CDH18: variants seen among roughly 807,000 people sequenced by gnomAD.
CDH18 encodes the protein cadherin-18.
CDH18 carries 31 observed loss-of-function variants against 67.9 expected under a neutral mutation model. The ratio of observed to expected loss-of-function variants is 0.46; its 90% CI spans 0.34 to 0.62. CDH18 has a LOEUF of 0.62. CDH18 is among the 20% of genes least tolerant of loss of function. CDH18 has a pLI of 0.01. For synonymous variants in CDH18, 362 were observed against 347.2 expected (o/e 1.04, Z -0.48); for missense variants, 890 against 975.5 (o/e 0.91, Z 1.17).
rs928435418 is a variant in CDH18 at position 19,818,350 on chromosome 5, G to C, written c.228+20409C>G. Among the ~76,000 whole-genome samples, 8 of 152,136 alleles carry C rather than the reference G, an allele frequency of 5.3e-5. 1 individual carries two copies. The South Asian group carries it at 1.7e-3, about 32-fold the overall frequency. ...ATTATGATGTATGACATGAATTGTA[G>C]GATGTGTGTAATATCTTAAGTAAAA... On this transcript the variant is annotated intron_variant, in intron 3 of 12. Coordinates refer to ENST00000382275, the MANE Select transcript of CDH18 (RefSeq NM_004934.5).
chr5:20,196,693 A>G (rs1405610386), intron 2 of CDH18, among the ~76,000 whole-genome samples: 1 of 152,194 alleles, frequency 6.6e-6, no homozygotes, highest in African/African-American at 2.4e-5. Context: ...TCTACAACAG[A>G]GTTTCCAAAT....
chr5:19,909,793 A>G (rs962070618), intron 2 of CDH18, among the ~76,000 whole-genome samples: 2 of 152,184 alleles, frequency 1.3e-5, no homozygotes, highest in African/African-American at 4.8e-5. Context: ...CTAATGACAA[A>G]GAAGGTTAAA....
intron 2 of CDH18, among the ~76,000 whole-genome samples, chr5:20,052,530 T>C (rs978709433): frequency 6.6e-6 from 1 of 152,122 alleles, no homozygotes; most frequent in Non-Finnish European, 1.5e-5. Context: ...CGTGTATTCA[T>C]GGACTGAGTC....
chr5:20,038,593 CA>C (rs1740110505), intron 2 of CDH18, among the ~76,000 whole-genome samples: 1 of 152,138 alleles, frequency 6.6e-6, no homozygotes, highest in African/African-American at 2.4e-5. Context: ...TGACAAAAGC[CA>C]TATGATTATC....
At chr5:19,580,614 C>A (rs144783409) in intron 7 of CDH18, among the ~76,000 whole-genome samples, 1 of 151,910 alleles carries the variant, frequency 6.6e-6, no homozygotes, top group Non-Finnish European at 1.5e-5. Context: ...TAACACCGAC[C>A]TATGCCCTAA....
chr5:20,554,534 T>C (rs1042992446), intron 1 of CDH18, among the ~76,000 whole-genome samples: 13 of 152,226 alleles, frequency 8.5e-5, no homozygotes, highest in African/African-American at 2.9e-4. Flanking sequence ...AATGACATTT[T>C]TAGAAATTAC....
At chr5:19,713,263 G>A (rs938938221) in intron 5 of CDH18, among the ~76,000 whole-genome samples, 1 of 151,948 alleles carries the variant, frequency 6.6e-6, no homozygotes, top group African/African-American at 2.4e-5. Context: ...ATATGTAAAG[G>A]TATAACTACC....
chr5:19,492,808 A>G (rs1035503930), intron 11 of CDH18, among the ~76,000 whole-genome samples: 27 of 152,136 alleles, frequency 1.8e-4, no homozygotes, highest in Admixed American at 1.6e-3. Context: ...AAATTGGGAG[A>G]AATAACTTTC....
chr5:20,503,205 G>A (rs913946070), intron 1 of CDH18, among the ~76,000 whole-genome samples: 2 of 150,368 alleles, frequency 1.3e-5, no homozygotes, highest in Non-Finnish European at 3.0e-5. Flanking sequence ...AAAAACTGTA[G>A]GATTCTAAAC....
intron 1 of CDH18, among the ~76,000 whole-genome samples, chr5:20,530,960 ATG>A (rs2126553279): frequency 6.6e-6 from 1 of 152,182 alleles, no homozygotes; most frequent in South Asian, 2.1e-4. Context: ...AACCTACAGA[ATG>A]GAATAAAATT....
At chr5:19,565,370 G>C (rs1315089720) in intron 8 of CDH18, among the ~76,000 whole-genome samples, 1 of 152,140 alleles carries the variant, frequency 6.6e-6, no homozygotes, top group East Asian at 1.9e-4. Flanking sequence ...ATTTGTTTAG[G>C]GGAATGTAAG....
At chr5:20,495,594 C>T (rs1753857405) in intron 1 of CDH18, among the ~76,000 whole-genome samples, 1 of 152,184 alleles carries the variant, frequency 6.6e-6, no homozygotes, top group South Asian at 2.1e-4. Flanking sequence ...ATCATGGCAT[C>T]TACCTACAGA....
intron 5 of CDH18, among the ~76,000 whole-genome samples, chr5:19,702,838 G>A (rs1027674920): frequency 5.3e-5 from 8 of 152,220 alleles, no homozygotes; most frequent in East Asian, 1.9e-4. Flanking sequence ...TTGGTTTACC[G>A]GAATGAGAGC....
At chr5:20,341,968 G>A (rs1259523734) in intron 1 of CDH18, among the ~76,000 whole-genome samples, 1 of 152,098 alleles carries the variant, frequency 6.6e-6, no homozygotes. Flanking sequence ...TGGACAAAGT[G>A]ATGAATGAAA....
chr5:19,592,190 A>G (rs2150030079), intron 6 of CDH18, among the ~76,000 whole-genome samples: 1 of 152,130 alleles, frequency 6.6e-6, no homozygotes, highest in Middle Eastern at 3.6e-3. Context: ...AGACAGATGG[A>G]TAGATAGACA....
At chr5:19,645,669 T>A (rs1183943649) in intron 5 of CDH18, among the ~76,000 whole-genome samples, 1 of 152,154 alleles carries the variant, frequency 6.6e-6, no homozygotes, top group African/African-American at 2.4e-5. Flanking sequence ...CATTCTGGAA[T>A]CAGTGCTGAA....
chr5:20,209,137 G>A lies in CDH18; in HGVS notation c.-518+46307C>T, dbSNP rs181745214. On this transcript the variant is annotated intron_variant, in intron 2 of 14. Transcript: ENST00000507958. ...TGAGGCTGTGAAGAAAGGGGAATGT[G>A]TGTATACTGTTGGTAGAAAGGTAAA... Among the ~76,000 whole-genome samples, 14 of 152,162 alleles carry A rather than the reference G, an allele frequency of 9.2e-5. No individual in the cohort carries two copies. In the East Asian group the frequency reaches 2.3e-3, roughly 25 times the overall value.
chr5:19,600,531 A>T (rs956669146), intron 6 of CDH18, among the ~76,000 whole-genome samples: 10 of 149,638 alleles, frequency 6.7e-5, no homozygotes, highest in Non-Finnish European at 1.3e-4. Context: ...TTTTCATACT[A>T]GATACCTAAT....
chr5:19,586,824 A>C (rs2150007674), intron 7 of CDH18, among the ~76,000 whole-genome samples: 1 of 152,316 alleles, frequency 6.6e-6, no homozygotes, highest in African/African-American at 2.4e-5. Flanking sequence ...CACTTCTACC[A>C]GCAGTGTAAA....
Sources: allele counts gnomAD v4.1 joint callset (sites outside exome capture counted in the v4.1 genomes callset), GRCh38; gene constraint gnomAD v4.1.1; transcripts MANE v1.5; gene names NCBI Gene and HGNC (gene_info 2026-07-23, HGNC 2026-07-21).